Variants in TNKS observed in about 807,000 individuals in gnomAD.
TNKS encodes poly [ADP-ribose] polymerase tankyrase-1.
TNKS carries 72 observed loss-of-function variants against 135.8 expected under a neutral mutation model. The ratio of observed to expected loss-of-function variants is 0.53; its 90% confidence interval spans 0.44 to 0.64. The LOEUF is 0.64. TNKS is among the 30% of genes least tolerant of loss of function. The probability of loss-of-function intolerance (pLI) is 0.00; values close to 1 mark genes in which losing one functional copy is unlikely to be tolerated. For synonymous variants in TNKS, 849 were observed against 649.3 expected, an observed-to-expected ratio of 1.31 and a Z score of -4.68; for missense variants, 1,769 against 1,674.0, an observed-to-expected ratio of 1.06 and a Z score of -0.99.
intron 3 of TNKS, among the ~76,000 whole-genome samples, chr8:9,622,253 T>C (rs1471752968): frequency 2.6e-5 from 4 of 152,240 alleles, no homozygotes; most frequent in Non-Finnish European, 5.9e-5. Context: ...CTAGTTTCTT[T>C]CTTTTTTCTT....
At chr8:9,661,579 T>C (rs1327607472) in intron 3 of TNKS, among the ~76,000 whole-genome samples, 30 of 152,158 alleles carry the variant, frequency 2.0e-4, no homozygotes, top group African/African-American at 5.8e-4. Flanking sequence ...AGACAAAAAT[T>C]AATTCAAGAT....
chr8:9,766,301 G>A lies in TNKS; in HGVS notation c.3616G>A (p.Gly1206Arg), dbSNP rs1807442661. 6.2e-7 allele frequency: 1 copy of A among 1,613,670 alleles called. No homozygotes were observed. The highest frequency in any genetic ancestry group is 1.3e-5 in the African/African-American group (1 of 74,846). The part of the protein sequence containing the change: ...GFDERHAYIG[G>R]MFGAGIYFAE... Reference sequence around the variant, plus strand: ...TGATGAGCGACATGCATACATAGGAGGAATGTTTGGGGCCGGGATTTATTT... The same window carrying A: ...TGATGAGCGACATGCATACATAGGAAGAATGTTTGGGGCCGGGATTTATTT... Residue 1206 changes from glycine to arginine, a missense_variant, in exon 25 of 27, where the codon GGA (glycine) becomes AGA (arginine). Gly to Arg is a moderately radical substitution (Grantham distance 125). Around this residue, in one of 5 missense-constraint regions of TNKS, gnomAD observed 722 missense variants for 688.9 expected, o/e 1.05. Coordinates refer to ENST00000310430, the MANE Select transcript of TNKS (RefSeq NM_003747.3).
intron 1 of TNKS, among the ~76,000 whole-genome samples, chr8:9,568,823 G>A (rs1797649376): frequency 6.6e-6 from 1 of 152,156 alleles, no homozygotes; most frequent in Non-Finnish European, 1.5e-5. Flanking sequence ...TGTACCCACA[G>A]TTGATAAGTA....
intron 2 of TNKS, among the ~76,000 whole-genome samples, chr8:9,587,192 G>T (rs750781761): frequency 6.6e-6 from 1 of 151,996 alleles, no homozygotes; most frequent in South Asian, 2.1e-4. Flanking sequence ...GTAATCACCA[G>T]ATTCCTTAGA....
Position 9,577,969 on chromosome 8 carries a change from A to G in TNKS, c.674-2190A>G, listed in dbSNP as rs1306969195. ...CATTCCAAAAGGGAGAAATCAACCA[A>G]AACAAAGGGCCTGCAGGCTCCATGG... On this transcript the variant is annotated intron_variant, in intron 1 of 26. Transcript: ENST00000310430. Among the ~76,000 whole-genome samples the G allele has an allele frequency of 2.6e-5, 4 of 152,208 alleles. 1 individual carries two copies. The highest frequency in any genetic ancestry group is 9.6e-5 in the African/African-American group (4 of 41,466).
At chr8:9,715,979 C>T (rs920670245) in intron 11 of TNKS, among the ~76,000 whole-genome samples, 1 of 152,128 alleles carries the variant, frequency 6.6e-6, no homozygotes, top group Non-Finnish European at 1.5e-5. Context: ...AAAACTTACG[C>T]CCCAACTGCA....
chr8:9,662,514 A>T (rs1456178053), intron 3 of TNKS, among the ~76,000 whole-genome samples: 1 of 152,164 alleles, frequency 6.6e-6, no homozygotes, highest in South Asian at 2.1e-4. Context: ...CAAACACCGT[A>T]TGTTCTGACT....
chr8:9,700,690 C>T (rs968142865), intron 5 of TNKS, among the ~76,000 whole-genome samples: 4 of 152,044 alleles, frequency 2.6e-5, no homozygotes, highest in Non-Finnish European at 5.9e-5. Context: ...CTAGATCAGT[C>T]ATTTCTCAGA....
At chr8:9,684,073 G>C (rs891179860) in intron 5 of TNKS, among the ~76,000 whole-genome samples, 2 of 151,702 alleles carry the variant, frequency 1.3e-5, no homozygotes, top group African/African-American at 4.8e-5. Context: ...TAGAAACATA[G>C]GGACATAGAT....
intron 3 of TNKS, among the ~76,000 whole-genome samples, chr8:9,651,486 G>A (rs1801146031): frequency 1.3e-5 from 2 of 152,194 alleles, no homozygotes; most frequent in Admixed American, 6.5e-5. Context: ...AGAGCTTTGA[G>A]AGAATTTAGA....
intron 13 of TNKS, among the ~76,000 whole-genome samples, chr8:9,727,500 C>G (rs1280614545): frequency 1.3e-5 from 2 of 152,124 alleles, no homozygotes; most frequent in African/African-American, 2.4e-5. Context: ...ACTCCTGGGG[C>G]TCAAGCAATC....
chr8:9,767,476 C>G (rs1162897972), intron 25 of TNKS, among the ~76,000 whole-genome samples: 1 of 152,058 alleles, frequency 6.6e-6, no homozygotes, highest in African/African-American at 2.4e-5. Flanking sequence ...TTAAAAAGAC[C>G]CAAATAATTT....
chr8:9,621,146 A>T lies in TNKS; in HGVS notation c.994+5469A>T, dbSNP rs118121707. The stretch of plus-strand genomic sequence containing the variant: ...ATTTCTTAAAACATAAGTGCATTTT[A>T]AAAATGTTTTAATTGGTAAGATGGA... On this transcript the variant is annotated intron_variant, in intron 3 of 26. Transcript: ENST00000310430. 9.3e-3 allele frequency among the ~76,000 whole-genome samples: 1,409 copies of T among 152,312 alleles called. 10 individuals are homozygous for T. The highest frequency in any genetic ancestry group is 0.022 in the South Asian group (108 of 4,824).
intron 11 of TNKS, among the ~76,000 whole-genome samples, chr8:9,713,594 TC>T (rs1354605955): frequency 6.6e-6 from 1 of 152,330 alleles, no homozygotes; most frequent in African/African-American, 2.4e-5. Flanking sequence ...TTCATCCTAG[TC>T]TTTCCACTGT....
intron 2 of TNKS, among the ~76,000 whole-genome samples, chr8:9,581,642 C>T (rs1316246193): frequency 6.6e-6 from 1 of 152,190 alleles, no homozygotes; most frequent in Admixed American, 6.5e-5. Context: ...CTGCTTCTTG[C>T]TTCACCTTGT....
Position 9,556,049 on chromosome 8 carries a change from C to G in TNKS, c.110C>G (p.Pro37Arg). The G allele has an allele frequency of 6.2e-7, 1 of 1,610,452 alleles. No homozygotes were observed. Among genetic ancestry groups the G allele is most frequent in the Non-Finnish European group, 8.5e-7 (1 of 1,179,002 alleles). ...PPPPPPPPLS[P>R]GLAPGTTPAS... is the part of the protein sequence containing the mutation. Reference sequence around the variant, plus strand: ...CCGCCACCTCCTCCCCCACTCAGCCCTGGCCTGGCCCCGGGGACCACCCCA... The same window carrying G: ...CCGCCACCTCCTCCCCCACTCAGCCGTGGCCTGGCCCCGGGGACCACCCCA... Residue 37 changes from proline (P) to arginine (R), a missense_variant, in exon 1 of 27, where the codon CCT becomes CGT. By Grantham distance (103) the Pro-to-Arg change is moderately radical (BLOSUM62 -2). This residue lies in a region of TNKS where 450 missense variants were observed against 304.9 expected (regional missense o/e 1.48). Coordinates refer to ENST00000310430, the MANE Select transcript of TNKS (RefSeq NM_003747.3).
intron 5 of TNKS, among the ~76,000 whole-genome samples, chr8:9,684,785 T>C (rs1802918208): frequency 6.6e-6 from 1 of 152,150 alleles, no homozygotes; most frequent in Non-Finnish European, 1.5e-5. Flanking sequence ...CTGTGCTTAG[T>C]GTCATGGGAG....
chr8:9,749,740 C>A (rs540179858), intron 18 of TNKS, among the ~76,000 whole-genome samples: 1 of 152,150 alleles, frequency 6.6e-6, no homozygotes, highest in Non-Finnish European at 1.5e-5. Context: ...TCCTCAGCCT[C>A]CCAAAGTGCT....
intron 26 of TNKS, among the ~76,000 whole-genome samples, chr8:9,774,811 A>G (rs907195790): frequency 2.0e-5 from 3 of 152,180 alleles, no homozygotes; most frequent in African/African-American, 7.2e-5. Flanking sequence ...AAATGCAGAC[A>G]CCGGCACTAT....
Sources: allele counts gnomAD v4.1 joint callset (sites outside exome capture counted in the v4.1 genomes callset), GRCh38; gene constraint gnomAD v4.1.1; regional missense constraint gnomAD v4.1.1; transcripts MANE v1.5; gene names NCBI Gene and HGNC (gene_info 2026-07-23, HGNC 2026-07-21).